KCNT2: variants seen among roughly 807,000 people sequenced by gnomAD.
The protein encoded by KCNT2 is potassium channel subfamily T member 2.
Under a neutral mutation model 153.8 loss-of-function variants are expected in KCNT2, and 67 were observed. That is an observed-to-expected ratio of 0.44 (90% CI 0.36 to 0.53). The LOEUF is 0.53. Among genes scored for constraint, KCNT2 ranks in the 20% least tolerant of loss-of-function variants. KCNT2 has a pLI of 0.00. For missense variants in KCNT2, 975 were observed against 1,354.8 expected (o/e 0.72, Z 4.40); for synonymous variants, 500 against 458.8 (o/e 1.09, Z -1.15).
At chr1:196,397,308 A>G (rs1671024403) in intron 13 of KCNT2, among the ~76,000 whole-genome samples, 1 of 151,580 alleles carries the variant, frequency 6.6e-6, no homozygotes, top group Non-Finnish European at 1.5e-5. Context: ...AAAATAAGAT[A>G]GCCTAGTTAC....
At chr1:196,574,981 T>C (rs1328670350) in intron 1 of KCNT2, among the ~76,000 whole-genome samples, 2 of 152,052 alleles carry the variant, frequency 1.3e-5, no homozygotes, top group Non-Finnish European at 2.9e-5. Context: ...ATTGAGTATA[T>C]TATTTAGTAA....
At chr1:196,412,069 T>G (rs1186331394) in intron 12 of KCNT2, among the ~76,000 whole-genome samples, 1 of 151,754 alleles carries the variant, frequency 6.6e-6, no homozygotes, top group Non-Finnish European at 1.5e-5. Context: ...TATGCTGTTG[T>G]GCTGATGTGT....
chr1:196,451,750 C>G (rs1457211998), intron 8 of KCNT2, among the ~76,000 whole-genome samples: 1 of 151,714 alleles, frequency 6.6e-6, no homozygotes, highest in East Asian at 2.0e-4. Context: ...AATGAAGGAA[C>G]TAATCTGTAT....
At chr1:196,464,545 T>C (rs1408724443) in intron 8 of KCNT2, among the ~76,000 whole-genome samples, 1 of 151,846 alleles carries the variant, frequency 6.6e-6, no homozygotes, top group African/African-American at 2.4e-5. Flanking sequence ...ACTTCCTAAT[T>C]AGCTTTTTCT....
chr1:196,430,922 C>T (rs1033718382), intron 8 of KCNT2, among the ~76,000 whole-genome samples: 1 of 152,226 alleles, frequency 6.6e-6, no homozygotes, highest in South Asian at 2.1e-4. Flanking sequence ...CTCCAAAATT[C>T]ATGTTGAAAC....
At chr1:196,502,429 TCACA>T (rs773559717) in intron 1 of KCNT2, among the ~76,000 whole-genome samples, 2 of 152,186 alleles carry the variant, frequency 1.3e-5, no homozygotes, top group African/African-American at 2.4e-5. Flanking sequence ...ACTGAGCTAC[TCACA>T]CACATAGAGA....
chr1:196,517,625 A>C (rs975393837), intron 1 of KCNT2, among the ~76,000 whole-genome samples: 11 of 152,222 alleles, frequency 7.2e-5, no homozygotes, highest in African/African-American at 2.7e-4. Flanking sequence ...TCACAATGCA[A>C]TCGCAAGTAT....
intron 25 of KCNT2, among the ~76,000 whole-genome samples, chr1:196,276,860 C>A (rs1194136951): frequency 1.3e-5 from 2 of 151,986 alleles, no homozygotes; most frequent in African/African-American, 2.4e-5. Flanking sequence ...TTGTATGTGA[C>A]CTATCGCACG....
intron 3 of KCNT2, among the ~76,000 whole-genome samples, chr1:196,484,426 T>C (rs1280785110): frequency 6.6e-6 from 1 of 152,094 alleles, no homozygotes; most frequent in African/African-American, 2.4e-5. Context: ...ATATTAGACC[T>C]TTGTCAGATG....
chr1:196,379,826 C>A (rs1304667876), intron 13 of KCNT2, among the ~76,000 whole-genome samples: 1 of 151,956 alleles, frequency 6.6e-6, no homozygotes, highest in Non-Finnish European at 1.5e-5. Flanking sequence ...GCCTAACAGG[C>A]CTTATCTCTA....
chr1:196,521,805 T>C (rs1653459053), intron 1 of KCNT2, among the ~76,000 whole-genome samples: 1 of 151,740 alleles, frequency 6.6e-6, no homozygotes, highest in Non-Finnish European at 1.5e-5. Context: ...AAGGTGAAGG[T>C]TGGGAGGAGG....
intron 25 of KCNT2, among the ~76,000 whole-genome samples, chr1:196,262,210 A>C (rs1394146453): frequency 6.6e-6 from 1 of 151,916 alleles, no homozygotes; most frequent in Admixed American, 6.6e-5. Context: ...ACACACATCA[A>C]AGTGACTCAA....
intron 1 of KCNT2, among the ~76,000 whole-genome samples, chr1:196,496,018 A>G (rs764642176): frequency 2.6e-5 from 4 of 151,918 alleles, no homozygotes; most frequent in African/African-American, 4.8e-5. Flanking sequence ...TGGTTTTGAT[A>G]TTGGAAATAG....
intron 16 of KCNT2, among the ~76,000 whole-genome samples, chr1:196,337,170 C>G (rs958115115): frequency 2.6e-5 from 4 of 151,022 alleles, no homozygotes; most frequent in Admixed American, 1.3e-4. Flanking sequence ...CCCGCAAAAC[C>G]TGCATTCCCC....
intron 12 of KCNT2, among the ~76,000 whole-genome samples, chr1:196,401,368 C>T (rs917452767): frequency 1.3e-5 from 2 of 151,608 alleles, no homozygotes; most frequent in East Asian, 3.9e-4. Context: ...AAAATGATAA[C>T]CAATAGATGG....
chr1:196,289,026 G>A (rs1016009219), intron 22 of KCNT2, among the ~76,000 whole-genome samples: 1 of 152,066 alleles, frequency 6.6e-6, no homozygotes, highest in Non-Finnish European at 1.5e-5. Context: ...ACATCCCACT[G>A]TGATTACAAA....
intron 10 of KCNT2, 97 bp downstream of exon 10, chr1:196,428,008 A>C (rs1673802405): frequency 1.2e-6 from 1 of 849,914 alleles, no homozygotes; most frequent in Non-Finnish European, 1.8e-6. Context: ...TATAAATAAA[A>C]ATCCTCCACA....
At chr1:196,577,979 C>T (rs1223346615) in intron 1 of KCNT2, among the ~76,000 whole-genome samples, 2 of 151,932 alleles carry the variant, frequency 1.3e-5, no homozygotes, top group Admixed American at 6.6e-5. Context: ...TATTTTAAAA[C>T]GTGTAATTTT....
At chr1:196,530,435 T>C (rs908509021) in intron 1 of KCNT2, among the ~76,000 whole-genome samples, 4 of 151,998 alleles carry the variant, frequency 2.6e-5, no homozygotes, top group Non-Finnish European at 4.4e-5. Context: ...TGAAATAGTA[T>C]TGTAATCACA....
Sources: gnomAD v4.1 joint callset for allele counts (sites outside exome capture counted in the v4.1 genomes callset) on GRCh38, gnomAD v4.1.1 for gene constraint, MANE v1.5 for transcripts, NCBI Gene and HGNC (gene_info 2026-07-23, HGNC 2026-07-21) for gene names.